FGD4: variants seen among roughly 807,000 people sequenced by gnomAD.
FGD4 encodes the protein FYVE, RhoGEF and PH domain containing 4.
FGD4 carries 42 observed loss-of-function variants against 102.0 expected under a neutral mutation model. The ratio of observed to expected loss-of-function variants is 0.41; its 90% confidence interval spans 0.32 to 0.53. FGD4 has a LOEUF of 0.53. Ranked by LOEUF, FGD4 falls within the 20% of genes least tolerant of loss-of-function variation. FGD4 has a pLI of 0.21. For missense variants in FGD4, 902 were observed against 1,078.2 expected, an observed-to-expected ratio of 0.84 and a Z score of 2.29; for synonymous variants, 380 against 375.7, an observed-to-expected ratio of 1.01 and a Z score of -0.13.
intron 7 of FGD4, among the ~76,000 whole-genome samples, chr12:32,606,263 C>T (rs1345400533): frequency 6.6e-6 from 1 of 150,598 alleles, no homozygotes; most frequent in Non-Finnish European, 1.5e-5. Context: ...TTATTTTCTT[C>T]CTGGTCTATA....
intron 1 of FGD4, among the ~76,000 whole-genome samples, chr12:32,545,056 C>G (rs1943127589): frequency 6.6e-6 from 1 of 152,158 alleles, no homozygotes; most frequent in Admixed American, 6.5e-5. Context: ...AGCTACTGAC[C>G]TTGAGAAGCA....
intron 4 of FGD4, among the ~76,000 whole-genome samples, chr12:32,587,733 T>C (rs114918856): frequency 0.011 from 1,637 of 152,208 alleles, 24 homozygotes; most frequent in African/African-American, 0.037. Flanking sequence ...TCCTGACATG[T>C]TGAAATCATT....
intron 1 of FGD4, among the ~76,000 whole-genome samples, chr12:32,494,276 C>T (rs1220032901): frequency 2.0e-5 from 3 of 152,122 alleles, no homozygotes; most frequent in African/African-American, 2.4e-5. Context: ...TAGTCTTGAA[C>T]TCTGGTCTTG....
intron 1 of FGD4, among the ~76,000 whole-genome samples, chr12:32,464,246 T>C (rs1375729394): frequency 6.6e-6 from 1 of 152,102 alleles, no homozygotes; most frequent in Admixed American, 6.6e-5. Flanking sequence ...TCCCTCTTCC[T>C]GGGTCAAGCA....
At position 32,640,891 on chromosome 12, in the gene FGD4, C is replaced by G. The variant is rs1951125121; in HGVS notation, c.*358C>G. ...TCTTCTTCTCTTTCACATGTAGGAC[C>G]TGGAACAGTTTGAAAGATATACCTC... is the stretch of plus-strand genomic sequence containing the variant. On this transcript the variant is annotated 3_prime_UTR_variant, in exon 17 of 17. Coordinates refer to ENST00000534526, the MANE Select transcript of FGD4 (RefSeq NM_001370298.3). 2.1e-6 allele frequency: 1 copy of G among 486,784 alleles called. No individual in the cohort carries two copies. The highest frequency in any genetic ancestry group is 2.5e-5 in the South Asian group (1 of 40,474). 30.2% of individuals were successfully genotyped at this position (486,784 alleles called of 1,614,324 possible).
chr12:32,638,807 A>T lies in FGD4; in HGVS notation c.2454+12A>T. On this transcript the variant is annotated intron_variant, in intron 16 of 16. Coordinates refer to ENST00000534526, the MANE Select transcript of FGD4 (RefSeq NM_001370298.3). ...ATGGTGCCCCCCAGGTATCTAAACC[A>T]CATCTGTCTGAAGGGACAGATGCCC... The T allele has an allele frequency of 6.2e-7, 1 of 1,613,840 alleles. No individual in the cohort carries two copies. Among genetic ancestry groups the T allele is most frequent in the East Asian group, 2.2e-5 (1 of 44,868 alleles).
chr12:32,457,494 G>A (rs1942978838), intron 1 of FGD4, among the ~76,000 whole-genome samples: 1 of 152,188 alleles, frequency 6.6e-6, no homozygotes, highest in Non-Finnish European at 1.5e-5. Context: ...CAAATACACT[G>A]CAGTGTGCAA....
At chr12:32,601,173 C>T (rs1948398074) in intron 5 of FGD4, 105 bp from the exon 6 acceptor site, 3 of 1,172,946 alleles carry the variant, frequency 2.6e-6, no homozygotes, top group African/African-American at 1.5e-5. Flanking sequence ...TAAACTTTTC[C>T]ATTTGCTCAA....
chr12:32,477,321 G>A (rs1347198669), intron 1 of FGD4: 1 of 152,232 alleles, frequency 6.6e-6, no homozygotes, highest in Non-Finnish European at 1.5e-5. Context: ...CTGGAAGGAG[G>A]TAGCAAGAAA....
At chr12:32,512,539 C>T (rs1419527604) in intron 1 of FGD4, among the ~76,000 whole-genome samples, 1 of 152,070 alleles carries the variant, frequency 6.6e-6, no homozygotes, top group Non-Finnish European at 1.5e-5. Context: ...GGGACTCACA[C>T]GCCAAGCCCC....
intron 11 of FGD4, among the ~76,000 whole-genome samples, chr12:32,620,512 T>TTTC (rs1565915620): frequency 1.5e-5 from 2 of 129,398 alleles, no homozygotes; most frequent in African/African-American, 3.1e-5. Flanking sequence ...TAACCATTTT[T>TTTC]TTTCTTTCTT....
intron 1 of FGD4, among the ~76,000 whole-genome samples, chr12:32,428,833 T>C (rs1300458594): frequency 1.3e-5 from 2 of 152,230 alleles, no homozygotes; most frequent in Non-Finnish European, 2.9e-5. Context: ...TGGATACTTG[T>C]TATGCTTCAC....
chr12:32,577,952 G>C (rs773659033), intron 3 of FGD4, among the ~76,000 whole-genome samples: 2 of 151,960 alleles, frequency 1.3e-5, no homozygotes, highest in Admixed American at 6.5e-5. Flanking sequence ...TATTCCAAAG[G>C]CTGCGTCCTC....
At chr12:32,462,565 C>CCAA (rs1943136254) in intron 1 of FGD4, among the ~76,000 whole-genome samples, 1 of 133,228 alleles carries the variant, frequency 7.5e-6, no homozygotes, top group Non-Finnish European at 1.6e-5. Flanking sequence ...CTTATACATT[C>CCAA]TGATTTTTTT....
At chr12:32,554,782 A>G (rs1943959953) in intron 1 of FGD4, among the ~76,000 whole-genome samples, 2 of 152,208 alleles carry the variant, frequency 1.3e-5, no homozygotes, top group South Asian at 2.1e-4. Flanking sequence ...AATCGGGGGG[A>G]AGAACTTTCC....
chr12:32,455,046 C>A (rs751508829), intron 1 of FGD4, among the ~76,000 whole-genome samples: 1 of 152,136 alleles, frequency 6.6e-6, no homozygotes, highest in Admixed American at 6.5e-5. Flanking sequence ...TTGAGACTTG[C>A]AACTTGCCAG....
intron 3 of FGD4, chr12:32,579,662 G>A (rs1367826770): frequency 6.6e-6 from 1 of 152,248 alleles, no homozygotes; most frequent in Non-Finnish European, 1.5e-5. Flanking sequence ...AAGGAGGACA[G>A]TTTGATTCAA....
At chr12:32,499,487 TAA>T (rs1393354526) in intron 1 of FGD4, among the ~76,000 whole-genome samples, 2 of 152,244 alleles carry the variant, frequency 1.3e-5, no homozygotes, top group African/African-American at 4.8e-5. Flanking sequence ...GTCAATTCTC[TAA>T]AAACTGTGAG....
At position 32,571,763 on chromosome 12, in the gene FGD4, T is replaced by A. The variant is rs529668037; in HGVS notation, c.320-4503T>A. 2.6e-4 allele frequency among the ~76,000 whole-genome samples: 40 copies of A among 152,230 alleles called. No individual in the cohort carries two copies. In the South Asian group the frequency reaches 8.1e-3, roughly 31 times the overall value. ...TTTGCCAAGTGGACCATTCTAGGTA[T>A]GCGCCAAAGCCTGAAGGCCTGAAAA... On this transcript the variant is annotated intron_variant, in intron 2 of 16. Transcript: ENST00000534526.
Sources: allele counts gnomAD v4.1 joint callset (sites outside exome capture counted in the v4.1 genomes callset), GRCh38; gene constraint gnomAD v4.1.1; transcripts MANE v1.5; gene names NCBI Gene and HGNC (gene_info 2026-07-23, HGNC 2026-07-21).